USP7: variants seen among roughly 807,000 people sequenced by gnomAD.
USP7 encodes the protein ubiquitin C-terminal hydrolase 7.
USP7 carries 9 observed loss-of-function variants against 162.9 expected under a neutral mutation model. The ratio of observed to expected loss-of-function variants is 0.06; its 90% CI spans 0.03 to 0.10. USP7 has a LOEUF of 0.10. Ranked by LOEUF, USP7 falls within the 10% of genes least tolerant of loss-of-function variation. USP7 has a pLI of 1.00. For missense variants in USP7, 715 were observed against 1,373.7 expected (o/e 0.52, Z 7.58); for synonymous variants, 562 against 475.9 (o/e 1.18, Z -2.35).
intron 30 of USP7, 106 bp downstream of exon 30, chr16:8,894,444 G>T: frequency 8.9e-7 from 1 of 1,127,662 alleles, no homozygotes; most frequent in Non-Finnish European, 1.3e-6. Context: ...GGCCAGTGGA[G>T]AGAGAGGAGC....
intron 1 of USP7, among the ~76,000 whole-genome samples, chr16:8,945,591 C>T (rs554574954): frequency 6.6e-6 from 1 of 152,206 alleles, no homozygotes; most frequent in Non-Finnish European, 1.5e-5. Flanking sequence ...GGGGACATAC[C>T]GTGCCCATGG....
At chr16:8,909,802 T>G (rs1197840119) in intron 11 of USP7, among the ~76,000 whole-genome samples, 2 of 152,134 alleles carry the variant, frequency 1.3e-5, no homozygotes, top group African/African-American at 4.8e-5. Context: ...GGCGGGCGCC[T>G]GTAGTCCCAG....
chr16:8,946,694 C>T (rs566210281), intron 1 of USP7, among the ~76,000 whole-genome samples: 28 of 152,244 alleles, frequency 1.8e-4, no homozygotes, highest in African/African-American at 6.7e-4. Flanking sequence ...TGGCCTATAC[C>T]CCAGCCCCAC....
chr16:8,962,303 T>A (rs1350969590), intron 1 of USP7, among the ~76,000 whole-genome samples: 1 of 152,242 alleles, frequency 6.6e-6, no homozygotes, highest in Non-Finnish European at 1.5e-5. Context: ...TGGACTTTGC[T>A]TTGTTTCAGT....
chr16:8,936,793 A>C (rs1020811942), intron 1 of USP7: 32 of 1,282,870 alleles, frequency 2.5e-5, no homozygotes, highest in Non-Finnish European at 3.0e-5. Flanking sequence ...AATTTAGATA[A>C]GGCAGTCCAG....
intron 2 of USP7, among the ~76,000 whole-genome samples, chr16:8,925,802 G>C (rs1006320346): frequency 6.6e-6 from 1 of 152,150 alleles, no homozygotes. Context: ...ATGACACTTC[G>C]GGTGTATTAA....
intron 1 of USP7, among the ~76,000 whole-genome samples, chr16:8,959,437 A>G (rs1055829962): frequency 4.6e-5 from 7 of 152,206 alleles, no homozygotes; most frequent in Middle Eastern, 3.4e-3. Flanking sequence ...AATAATGAGG[A>G]TATCAGCAGC....
At chr16:8,900,144 C>T in intron 21 of USP7, 2 of 359,476 alleles carry the variant, frequency 5.6e-6, no homozygotes, top group Non-Finnish European at 5.1e-6. Context: ...CATCGAGCCA[C>T]TTTCAGACAC....
In USP7 at chr16:8,899,179, T is replaced by A. The variant is rs773131309; in HGVS notation, c.2473A>T (p.Thr825Ser). The A allele has an allele frequency of 6.2e-7, 1 of 1,614,150 alleles. No individual in the cohort carries two copies. Among genetic ancestry groups the A allele is most frequent in the Non-Finnish European group, 8.5e-7 (1 of 1,180,028 alleles). Residue 825 changes from threonine to serine, a missense_variant, in exon 23 of 31, where the codon ACA (threonine) becomes TCA (serine). By Grantham distance (58) the Thr-to-Ser change is moderately conservative (BLOSUM62 1). Transcript: ENST00000344836. ...NRMNYFQVAK[T>S]VAQRLNTDPM... The stretch of plus-strand genomic sequence containing the variant: ...TCTGTGTTGAGCCTCTGTGCAACTG[T>A]CTTTGCAACCTAAGACACAGAAAGG...
intron 12 of USP7, among the ~76,000 whole-genome samples, chr16:8,908,083 A>G (rs140083650): frequency 2.9e-4 from 44 of 152,350 alleles, no homozygotes; most frequent in Non-Finnish European, 1.5e-5. Context: ...GTGGACTTAA[A>G]TCAGCCATAG....
chr16:8,962,702 C>A, intron 1 of USP7: 1 of 189,948 alleles, frequency 5.3e-6, no homozygotes, highest in South Asian at 7.4e-5. Context: ...AACGTAAGCC[C>A]GACGCTAGGC....
At chr16:8,903,018 G>A (rs1158251913) in intron 16 of USP7, among the ~76,000 whole-genome samples, 2 of 152,218 alleles carry the variant, frequency 1.3e-5, no homozygotes, top group African/African-American at 2.4e-5. Flanking sequence ...AGGGAGTGGA[G>A]TGGGAGATGA....
At chr16:8,934,889 A>G (rs1898599411) in intron 1 of USP7, among the ~76,000 whole-genome samples, 1 of 152,224 alleles carries the variant, frequency 6.6e-6, no homozygotes, top group African/African-American at 2.4e-5. Flanking sequence ...CGTTTTTAAA[A>G]GCTCCTCATA....
At chr16:8,906,114 G>A (rs530026016) in intron 13 of USP7, among the ~76,000 whole-genome samples, 7 of 152,278 alleles carry the variant, frequency 4.6e-5, no homozygotes, top group Admixed American at 2.6e-4. Flanking sequence ...CAGCCTCCCC[G>A]ACTGGGCCCA....
intron 1 of USP7, among the ~76,000 whole-genome samples, chr16:8,946,120 C>T (rs141186736): frequency 1.3e-5 from 2 of 152,238 alleles, no homozygotes; most frequent in African/African-American, 4.8e-5. Context: ...GCCCCTCCCC[C>T]ACAAGACTCT....
At chr16:8,929,804 G>A (rs1390746421) in intron 2 of USP7, among the ~76,000 whole-genome samples, 2 of 152,166 alleles carry the variant, frequency 1.3e-5, no homozygotes. Context: ...AGAAGCTATA[G>A]ACCAAAACTC....
At chr16:8,905,383 C>A in intron 13 of USP7, 52 bp from the exon 14 acceptor site, 1 of 1,599,248 alleles carries the variant, frequency 6.3e-7, no homozygotes, top group Non-Finnish European at 8.6e-7. Flanking sequence ...TGACAAGTAC[C>A]CAACACTAGA....
intron 1 of USP7, among the ~76,000 whole-genome samples, chr16:8,941,712 C>G (rs1037611063): frequency 6.6e-6 from 1 of 152,148 alleles, no homozygotes; most frequent in African/African-American, 2.4e-5. Flanking sequence ...ACGGGCAGAG[C>G]CAGGATCAGC....
At chr16:8,931,877 T>C (rs1483359255) in intron 1 of USP7, among the ~76,000 whole-genome samples, 1 of 152,236 alleles carries the variant, frequency 6.6e-6, no homozygotes, top group Non-Finnish European at 1.5e-5. Flanking sequence ...CACGGTTGCC[T>C]ACACAGTCGG....
Sources: gnomAD v4.1 joint callset for allele counts (sites outside exome capture counted in the v4.1 genomes callset) on GRCh38, gnomAD v4.1.1 for gene constraint, MANE v1.5 for transcripts, NCBI Gene and HGNC (gene_info 2026-07-23, HGNC 2026-07-21) for gene names.